The following SPATS2 variants were observed in gnomAD, a reference collection of about 807,000 sequenced individuals.
SPATS2 encodes the protein spermatogenesis associated serine rich 2.
In SPATS2, 38 loss-of-function variants were observed where a neutral mutation model predicts 63.7. The observed-to-expected ratio is 0.60, with a 90% CI of 0.46 to 0.78. The LOEUF is 0.78. SPATS2 is among the 30% of genes least tolerant of loss of function. The pLI is 0.00. For missense variants in SPATS2, 588 were observed against 666.2 expected (o/e 0.88, Z 1.29); for synonymous variants, 207 against 232.9 (o/e 0.89, Z 1.01).
intron 2 of SPATS2, among the ~76,000 whole-genome samples, chr12:49,423,236 G>T (rs1945015268): frequency 6.6e-6 from 1 of 151,696 alleles, no homozygotes; most frequent in Non-Finnish European, 1.5e-5. Context: ...GGGTTCAAGC[G>T]ATTCTCCTGC....
rs146095739 is a variant in SPATS2, at chr12:49,400,996, C to T, written c.-244+29706C>T. 2.0e-5 allele frequency among the ~76,000 whole-genome samples: 3 copies of T among 152,308 alleles called. No homozygotes were observed. In the East Asian group the frequency reaches 5.8e-4, roughly 29 times the overall value. On this transcript the variant is annotated intron_variant, in intron 2 of 13. Transcript: ENST00000552918. ...CAAGTGATTCTCCCACCTCAGCCTC[C>T]CAAGTAGCTGGGACCACAGGCATGT... is the stretch of plus-strand genomic sequence containing the variant.
intron 6 of SPATS2, among the ~76,000 whole-genome samples, chr12:49,494,209 TG>T (rs1414149544): frequency 6.6e-6 from 1 of 152,164 alleles, no homozygotes; most frequent in Non-Finnish European, 1.5e-5. Flanking sequence ...TACATGAAAA[TG>T]GCTGTTTCTC....
chr12:49,431,447 A>C (rs1945184521), intron 2 of SPATS2, among the ~76,000 whole-genome samples: 1 of 151,930 alleles, frequency 6.6e-6, no homozygotes, highest in Admixed American at 6.6e-5. Context: ...ACGGGGTTTC[A>C]CCGTGTTGGT....
At chr12:49,422,705 G>A (rs919585801) in intron 2 of SPATS2, among the ~76,000 whole-genome samples, 1 of 152,054 alleles carries the variant, frequency 6.6e-6, no homozygotes. Flanking sequence ...TCCGGAGTTC[G>A]AGATCAGCCT....
At chr12:49,389,304 T>G (rs987798301) in intron 2 of SPATS2, among the ~76,000 whole-genome samples, 4 of 152,066 alleles carry the variant, frequency 2.6e-5, no homozygotes, top group African/African-American at 7.2e-5. Context: ...AGCAGAGGTG[T>G]CTCCCCCGCC....
chr12:49,465,181 C>G (rs1945890775), intron 3 of SPATS2, among the ~76,000 whole-genome samples: 1 of 152,166 alleles, frequency 6.6e-6, no homozygotes, highest in Non-Finnish European at 1.5e-5. Context: ...CATTTGCTTA[C>G]AAGTCTTTAT....
intron 12 of SPATS2, among the ~76,000 whole-genome samples, chr12:49,523,707 T>G (rs1289412576): frequency 6.6e-6 from 1 of 151,994 alleles, no homozygotes; most frequent in African/African-American, 2.4e-5. Context: ...ATCCCAGCAC[T>G]TTGGGAGGCT....
intron 2 of SPATS2, among the ~76,000 whole-genome samples, chr12:49,420,509 G>C (rs903445302): frequency 6.6e-6 from 1 of 152,096 alleles, no homozygotes; most frequent in Non-Finnish European, 1.5e-5. Context: ...CAGGAGAATC[G>C]CTTGAACCTG....
chr12:49,498,135 A>G (rs1157944089), intron 8 of SPATS2, among the ~76,000 whole-genome samples: 1 of 109,740 alleles, frequency 9.1e-6, no homozygotes, highest in Non-Finnish European at 1.8e-5. Flanking sequence ...ATCAAGCCAA[A>G]AAAAAAAAAA....
intron 2 of SPATS2, among the ~76,000 whole-genome samples, chr12:49,403,637 AC>A (rs1565704941): frequency 2.5e-4 from 37 of 148,284 alleles, no homozygotes; most frequent in Middle Eastern, 6.9e-3. Context: ...ACACACACAC[AC>A]ACAAACAAAA....
At chr12:49,498,142 AAAAATATATATATAT>A (rs968299006) in intron 8 of SPATS2, among the ~76,000 whole-genome samples, 4 of 119,548 alleles carry the variant, frequency 3.3e-5, no homozygotes, top group African/African-American at 1.4e-4. Context: ...CAAAAAAAAA[AAAAATATATATATAT>A]ATATATATAT....
At chr12:49,429,336 C>G (rs7295162) in intron 2 of SPATS2, among the ~76,000 whole-genome samples, 28,433 of 152,028 alleles carry the variant, frequency 0.19, 3,643 homozygotes, top group African/African-American at 0.37. Flanking sequence ...TCAAGTCTTA[C>G]AATTATGGGA....
chr12:49,526,375 C>T lies in SPATS2; in HGVS notation c.*120C>T, dbSNP rs1947036647. Reference sequence around the variant, plus strand: ...AGTTTATGCGTATCACTTTTTGTGCCATTCTAAGTATTTTTGGTTTCTTGT... The same window carrying T: ...AGTTTATGCGTATCACTTTTTGTGCTATTCTAAGTATTTTTGGTTTCTTGT... On this transcript the variant is annotated 3_prime_UTR_variant, in exon 14 of 14. Transcript: ENST00000552918. 2.4e-6 allele frequency: 3 copies of T among 1,234,262 alleles called. No homozygotes were observed. The South Asian group carries it at 5.1e-5, about 21-fold the overall frequency. 76.5% of individuals were successfully genotyped at this position (1,234,262 alleles called of 1,614,324 possible).
chr12:49,494,440 A>G (rs1434249155), intron 6 of SPATS2, among the ~76,000 whole-genome samples: 2 of 152,108 alleles, frequency 1.3e-5, no homozygotes, highest in Non-Finnish European at 2.9e-5. Flanking sequence ...CTCTTTGACT[A>G]TAAGCTGCAC....
chr12:49,393,622 A>G (rs182400577), intron 2 of SPATS2, among the ~76,000 whole-genome samples: 34 of 152,298 alleles, frequency 2.2e-4, no homozygotes, highest in African/African-American at 7.9e-4. Context: ...TTATAAATTA[A>G]TGGATATTTA....
intron 9 of SPATS2, among the ~76,000 whole-genome samples, chr12:49,514,041 A>C (rs1255399065): frequency 6.6e-6 from 1 of 151,906 alleles, no homozygotes; most frequent in Non-Finnish European, 1.5e-5. Flanking sequence ...CCTGTAGTCC[A>C]AGCTACTCGG....
At chr12:49,489,379 C>A in intron 4 of SPATS2, 86 bp from the exon 5 acceptor site, 1 of 931,106 alleles carries the variant, frequency 1.1e-6, no homozygotes, top group Non-Finnish European at 1.6e-6. Flanking sequence ...AATGAAATAT[C>A]ACTCTTTTCA....
At chr12:49,453,063 G>A (rs1655747671) in intron 2 of SPATS2, among the ~76,000 whole-genome samples, 1 of 151,700 alleles carries the variant, frequency 6.6e-6, no homozygotes. Context: ...GGAGGCTGAG[G>A]CAGGAGAATG....
At chr12:49,465,626 T>A (rs1239149085) in intron 3 of SPATS2, among the ~76,000 whole-genome samples, 4 of 152,158 alleles carry the variant, frequency 2.6e-5, no homozygotes, top group African/African-American at 9.7e-5. Flanking sequence ...AAGTATATTC[T>A]CCCATTCCAT....
Sources: gnomAD v4.1 joint callset for allele counts (sites outside exome capture counted in the v4.1 genomes callset) on GRCh38, gnomAD v4.1.1 for gene constraint, MANE v1.5 for transcripts, NCBI Gene and HGNC (gene_info 2026-07-23, HGNC 2026-07-21) for gene names.